Variants in GPR158 observed in about 807,000 individuals in gnomAD.
GPR158 encodes metabotropic glycine receptor.
In GPR158, 30 loss-of-function variants were observed where a neutral mutation model predicts 78.2. The observed-to-expected ratio is 0.38, with a 90% CI of 0.29 to 0.52. The LOEUF is 0.52. Among genes scored for constraint, GPR158 ranks in the 20% least tolerant of loss-of-function variants. The probability of loss-of-function intolerance (pLI) is 0.83; values close to 1 mark genes in which losing one functional copy is unlikely to be tolerated. For missense variants in GPR158, 1,463 were observed against 1,523.5 expected, an observed-to-expected ratio of 0.96 and a Z score of 0.66; for synonymous variants, 581 against 591.1, an observed-to-expected ratio of 0.98 and a Z score of 0.25.
intron 2 of GPR158, among the ~76,000 whole-genome samples, chr10:25,338,469 T>TA (rs1491453927): frequency 2.0e-4 from 28 of 136,608 alleles, no homozygotes; most frequent in African/African-American, 8.0e-4. Context: ...ATTACGTATA[T>TA]TATACGTATA....
intron 5 of GPR158, among the ~76,000 whole-genome samples, chr10:25,544,713 A>G (rs1022418498): frequency 6.6e-6 from 1 of 152,090 alleles, no homozygotes; most frequent in African/African-American, 2.4e-5. Flanking sequence ...TTTATATATA[A>G]TATTTTTTGT....
intron 1 of GPR158, among the ~76,000 whole-genome samples, chr10:25,179,538 TAAG>T (rs780746166): frequency 6.6e-6 from 1 of 152,176 alleles, no homozygotes; most frequent in Non-Finnish European, 1.5e-5. Flanking sequence ...GAACTTCTTA[TAAG>T]AAGTTCAACA....
chr10:25,224,741 T>A (rs549691376), intron 2 of GPR158, among the ~76,000 whole-genome samples: 62 of 152,282 alleles, frequency 4.1e-4, no homozygotes, highest in African/African-American at 1.2e-3. Context: ...AATTGTCAAC[T>A]ATGTTTGCTA....
chr10:25,454,387 G>A (rs950126393), intron 4 of GPR158, among the ~76,000 whole-genome samples: 2 of 152,172 alleles, frequency 1.3e-5, no homozygotes, highest in African/African-American at 4.8e-5. Context: ...TAATTGAAAT[G>A]TATTATATTC....
intron 2 of GPR158, among the ~76,000 whole-genome samples, chr10:25,290,402 A>T (rs78104485): frequency 0.15 from 22,666 of 152,188 alleles, 1,841 homozygotes; most frequent in African/African-American, 0.21. Flanking sequence ...GACATATGTA[A>T]TATAATGCTT....
intron 2 of GPR158, among the ~76,000 whole-genome samples, chr10:25,222,423 GC>G (rs1410894819): frequency 2.8e-5 from 4 of 144,448 alleles, no homozygotes; most frequent in African/African-American, 1.0e-4. Context: ...CATTCCCACA[GC>G]CCCCCCATTC....
At chr10:25,186,882 T>C (rs1396749228) in intron 1 of GPR158, among the ~76,000 whole-genome samples, 5 of 151,082 alleles carry the variant, frequency 3.3e-5, no homozygotes, top group East Asian at 2.0e-4. Flanking sequence ...ATGAGGCCAG[T>C]ATCATCCTGA....
chr10:25,493,214 T>C (rs1177103971), intron 5 of GPR158, among the ~76,000 whole-genome samples: 1 of 152,192 alleles, frequency 6.6e-6, no homozygotes, highest in Non-Finnish European at 1.5e-5. Context: ...AGAGGTTCCC[T>C]AGCATGGGGC....
chr10:25,328,073 G>A lies in GPR158; in HGVS notation c.1009-67838G>A, dbSNP rs568887685. On this transcript the variant is annotated intron_variant, in intron 2 of 10. Coordinates refer to ENST00000376351, the MANE Select transcript of GPR158 (RefSeq NM_020752.3). ...GATAATGCTAAAGCATATACAGTTCGTCTGTATAATTTGGTTAGTGCATTG... is the reference window on the plus strand; with the variant it reads ...GATAATGCTAAAGCATATACAGTTCATCTGTATAATTTGGTTAGTGCATTG... Among the ~76,000 whole-genome samples the A allele has an allele frequency of 8.0e-4, 122 of 152,234 alleles. 1 individual carries two copies. Among genetic ancestry groups the A allele is most frequent in the East Asian group, 2.7e-3 (14 of 5,182 alleles).
chr10:25,433,790 C>A (rs1282515641), intron 4 of GPR158, among the ~76,000 whole-genome samples: 1 of 146,140 alleles, frequency 6.8e-6, no homozygotes, highest in African/African-American at 2.5e-5. Flanking sequence ...GCCTTGGGCT[C>A]CTAATATGCT....
chr10:25,195,498 A>G (rs1220538197), intron 1 of GPR158, among the ~76,000 whole-genome samples: 1 of 151,872 alleles, frequency 6.6e-6, no homozygotes, highest in Non-Finnish European at 1.5e-5. Context: ...AAGCCACCAC[A>G]CCCCGCCAGC....
chr10:25,324,268 T>C (rs1008156623), intron 2 of GPR158, among the ~76,000 whole-genome samples: 2 of 152,246 alleles, frequency 1.3e-5, no homozygotes, highest in African/African-American at 4.8e-5. Flanking sequence ...TTTCTTGCTT[T>C]TGATTTAAAA....
intron 1 of GPR158, among the ~76,000 whole-genome samples, chr10:25,183,067 G>C (rs1415220418): frequency 6.6e-6 from 1 of 152,102 alleles, no homozygotes; most frequent in East Asian, 1.9e-4. Context: ...TGCTTTATCT[G>C]CTTTTCAGCT....
At chr10:25,550,486 C>G (rs1036767400) in intron 5 of GPR158, among the ~76,000 whole-genome samples, 6 of 152,026 alleles carry the variant, frequency 3.9e-5, no homozygotes, top group Non-Finnish European at 7.4e-5. Flanking sequence ...ACAATCGGCT[C>G]TGGGGGGAGA....
chr10:25,428,458 A>G (rs534610373), intron 4 of GPR158, among the ~76,000 whole-genome samples: 3 of 152,204 alleles, frequency 2.0e-5, no homozygotes, highest in African/African-American at 7.2e-5. Flanking sequence ...TATTTTGGAC[A>G]TAAGTGTAAT....
rs938688373 is a variant in GPR158, at chr10:25,510,665, A to T, written c.1405-40311A>T. Among the ~76,000 whole-genome samples, 2 of 152,158 alleles carry T rather than the reference A, an allele frequency of 1.3e-5. 1 individual carries two copies. Among genetic ancestry groups the T allele is most frequent in the South Asian group, 4.1e-4 (2 of 4,832 alleles). On this transcript the variant is annotated intron_variant, in intron 5 of 10. Coordinates refer to ENST00000376351, the MANE Select transcript of GPR158 (RefSeq NM_020752.3). Reference sequence around the variant, plus strand: ...GGTGCACCCATCACCTGAGCAGTGTACACTGTACCCAATGTGTAGTCTTTT... The same window carrying T: ...GGTGCACCCATCACCTGAGCAGTGTTCACTGTACCCAATGTGTAGTCTTTT...
chr10:25,382,777 C>A (rs1174639028), intron 2 of GPR158, among the ~76,000 whole-genome samples: 1 of 151,962 alleles, frequency 6.6e-6, no homozygotes, highest in East Asian at 1.9e-4. Context: ...ACAAAGTCTC[C>A]CCAAACCCAC....
intron 2 of GPR158, among the ~76,000 whole-genome samples, chr10:25,265,261 G>T (rs568600418): frequency 3.3e-5 from 5 of 152,236 alleles, no homozygotes; most frequent in African/African-American, 1.2e-4. Context: ...GAAATGCTAG[G>T]TGCCATTTCT....
Position 25,500,804 on chromosome 10 carries a change from G to A in GPR158, c.1404+34085G>A, listed in dbSNP as rs563037065. Among the ~76,000 whole-genome samples the A allele has an allele frequency of 2.0e-5, 3 of 152,292 alleles. No individual in the cohort carries two copies. In the South Asian group the frequency reaches 6.2e-4, roughly 32 times the overall value. On this transcript the variant is annotated intron_variant, in intron 5 of 10. Transcript: ENST00000376351. ...AAGTTATTGCACATGGCAGCTTATTGGCATATAAATTAAACTGCTGCAAGG... is the reference window on the plus strand; with the variant it reads ...AAGTTATTGCACATGGCAGCTTATTAGCATATAAATTAAACTGCTGCAAGG...
Sources: allele counts gnomAD v4.1 joint callset (sites outside exome capture counted in the v4.1 genomes callset), GRCh38; gene constraint gnomAD v4.1.1; transcripts MANE v1.5; gene names NCBI Gene and HGNC (gene_info 2026-07-23, HGNC 2026-07-21).